The following ZNF680 variants were observed in gnomAD, a reference collection of about 807,000 sequenced individuals.
The protein encoded by ZNF680 is hypothetical protein FLJ90430.
Under a neutral mutation model 12.1 loss-of-function variants are expected in ZNF680, and 6 were observed. That is an observed-to-expected ratio of 0.49 (90% CI 0.27 to 0.98). The LOEUF is 0.98. Ranked by LOEUF, ZNF680 falls within the 50% of genes least tolerant of loss-of-function variation. The pLI, the probability that ZNF680 is intolerant of heterozygous loss-of-function variation, is 0.12. For missense variants in ZNF680, 561 were observed against 616.3 expected, an observed-to-expected ratio of 0.91 and a Z score of 0.95; for synonymous variants, 170 against 199.3, an observed-to-expected ratio of 0.85 and a Z score of 1.24.
intron 3 of ZNF680, chr7:64,525,761 C>G (rs148732498): frequency 1.0e-6 from 1 of 958,920 alleles, no homozygotes; most frequent in Non-Finnish European, 1.2e-6. Context: ...AAGTTTTTCT[C>G]CCACACAAAA....
intron 1 of ZNF680, among the ~76,000 whole-genome samples, chr7:64,561,934 C>CAAA (rs1187872173): frequency 1.2e-5 from 1 of 80,316 alleles, no homozygotes. Flanking sequence ...GACTCCGTCT[C>CAAA]AAAAAAAAAA....
chr7:64,544,190 G>C (rs1247649389), intron 2 of ZNF680, 116 bp downstream of exon 2: 36 of 1,421,188 alleles, frequency 2.5e-5, no homozygotes, highest in Non-Finnish European at 3.2e-5. Context: ...AGATTTTCTT[G>C]AAAACAGGGA....
intron 1 of ZNF680, among the ~76,000 whole-genome samples, chr7:64,548,307 T>A (rs2116509498): frequency 6.6e-6 from 1 of 152,366 alleles, no homozygotes; most frequent in South Asian, 2.1e-4. Context: ...TTCATAAATA[T>A]CCTTTCAGGT....
intron 3 of ZNF680, among the ~76,000 whole-genome samples, chr7:64,538,058 A>T (rs1786271519): frequency 6.6e-6 from 1 of 152,170 alleles, no homozygotes; most frequent in South Asian, 2.1e-4. Flanking sequence ...TCTTTTCAAA[A>T]AAATAACGTT....
chr7:64,504,378 G>T, the ZNF680 span, among the ~76,000 whole-genome samples: 1 of 152,042 alleles, frequency 6.6e-6, no homozygotes, highest in African/African-American at 2.4e-5. Context: ...TAAAGTACTG[G>T]TTTTCTATTT....
chr7:64,521,838 AC>A lies in ZNF680; in HGVS notation c.915del (p.Trp305CysfsTer93). Reference protein sequence around the residue: ...KCDECHKAFNWFATLTNHKRI... With the variant: ...KCDECHKAFNXFATLTNHKRI... Reference sequence around the variant, plus strand: ...CTCTTATGGTTAGTAAGGGTTGCAAACCAGTTAAAGGCTTTGTGACATTCAT... The same window carrying A: ...CTCTTATGGTTAGTAAGGGTTGCAAACAGTTAAAGGCTTTGTGACATTCAT... On this transcript the variant is annotated frameshift_variant, in exon 4 of 4. Transcript: ENST00000309683. LOFTEE classifies it low-confidence loss of function (END_TRUNC). 1 of 1,613,450 alleles carries A rather than the reference AC, an allele frequency of 6.2e-7. No homozygotes were observed.
the ZNF680 span, among the ~76,000 whole-genome samples, chr7:64,503,569 T>A: frequency 6.6e-6 from 1 of 151,994 alleles, no homozygotes; most frequent in South Asian, 2.1e-4. Flanking sequence ...TTAGGAGAGA[T>A]GGGGTTTCAC....
intron 3 of ZNF680, among the ~76,000 whole-genome samples, chr7:64,531,018 T>TA (rs1785844430): frequency 6.6e-6 from 1 of 151,914 alleles, no homozygotes; most frequent in Non-Finnish European, 1.5e-5. Context: ...AAAAATGTGA[T>TA]AAACACAGTA....
the ZNF680 span, chr7:64,501,465 A>G: frequency 1.1e-6 from 1 of 896,650 alleles, no homozygotes. Flanking sequence ...AAAACCTGGA[A>G]AAATTTAAAA....
At chr7:64,527,090 T>G (rs1262802200) in intron 3 of ZNF680, among the ~76,000 whole-genome samples, 3 of 151,830 alleles carry the variant, frequency 2.0e-5, no homozygotes, top group Non-Finnish European at 2.9e-5. Flanking sequence ...GTACAAAAAT[T>G]AACTGGGTGT....
At chr7:64,499,792 T>C in the ZNF680 span, among the ~76,000 whole-genome samples, 1 of 150,864 alleles carries the variant, frequency 6.6e-6, no homozygotes, top group African/African-American at 2.4e-5. Flanking sequence ...CAGAGGGAGG[T>C]GGAAGGAAAG....
At chr7:64,539,130 C>CAAAAAAAAA (rs529165573) in intron 3 of ZNF680, among the ~76,000 whole-genome samples, 1 of 77,702 alleles carries the variant, frequency 1.3e-5, no homozygotes. Flanking sequence ...GACTCCATCT[C>CAAAAAAAAA]AAAAAAAAAA....
intron 1 of ZNF680, among the ~76,000 whole-genome samples, chr7:64,548,936 C>T (rs193046277): frequency 1.5e-3 from 235 of 152,126 alleles, no homozygotes; most frequent in African/African-American, 5.1e-3. Context: ...GCCTGGCCAA[C>T]ATGGTGAAAC....
chr7:64,556,259 T>TAAAAA (rs58056053), intron 1 of ZNF680, among the ~76,000 whole-genome samples: 9 of 88,358 alleles, frequency 1.0e-4, no homozygotes, highest in Non-Finnish European at 1.6e-4. Flanking sequence ...TTCACGGAAC[T>TAAAAA]AAAAAAAAAA....
At chr7:64,509,901 G>C in the ZNF680 span, among the ~76,000 whole-genome samples, 2 of 151,126 alleles carry the variant, frequency 1.3e-5, no homozygotes, top group African/African-American at 4.9e-5. Flanking sequence ...ACAAAAGGGA[G>C]AAAAGGAACT....
chr7:64,523,903 A>G (rs1372295871), intron 3 of ZNF680, among the ~76,000 whole-genome samples: 1 of 150,052 alleles, frequency 6.7e-6, no homozygotes, highest in East Asian at 2.1e-4. Context: ...ACAGAGCGAG[A>G]CTCCATCTCA....
intron 3 of ZNF680, among the ~76,000 whole-genome samples, chr7:64,531,596 CA>C (rs34791051): frequency 0.31 from 29,829 of 94,822 alleles, 2,397 homozygotes; most frequent in African/African-American, 0.39. Flanking sequence ...GACTCCGTCT[CA>C]AAAAAAAAAA....
the ZNF680 span, among the ~76,000 whole-genome samples, chr7:64,510,139 G>A: frequency 6.7e-6 from 1 of 149,684 alleles, no homozygotes; most frequent in Non-Finnish European, 1.5e-5. Context: ...AAGGAAAAAA[G>A]GGTAGAACAA....
At chr7:64,501,699 A>C in the ZNF680 span, 1 of 1,058,220 alleles carries the variant, frequency 9.4e-7, no homozygotes, top group Non-Finnish European at 1.5e-6. Context: ...AGGATGACAG[A>C]GACAGCGCCA....
Sources: allele counts gnomAD v4.1 joint callset (sites outside exome capture counted in the v4.1 genomes callset), GRCh38; gene constraint gnomAD v4.1.1; transcripts MANE v1.5; gene names NCBI Gene and HGNC (gene_info 2026-07-23, HGNC 2026-07-21).